POM121C: variants seen among roughly 807,000 people sequenced by gnomAD.
The protein encoded by POM121C is nuclear envelope pore membrane protein POM 121C.
POM121C carries 20 observed loss-of-function variants against 66.4 expected under a neutral mutation model. The observed-to-expected ratio is 0.30, with a 90% CI of 0.21 to 0.44. The LOEUF is 0.44. POM121C is among the 20% of genes least tolerant of loss of function. The pLI, the probability that POM121C is intolerant of heterozygous loss-of-function variation, is 1.00. For synonymous variants in POM121C, 286 were observed against 528.0 expected (o/e 0.54, Z 6.28); for missense variants, 580 against 1,225.7 (o/e 0.47, Z 7.87).
chr7:75,482,495 A>G (rs1442727011), intron 1 of POM121C, among the ~76,000 whole-genome samples: 11 of 152,172 alleles, frequency 7.2e-5, no homozygotes, highest in African/African-American at 2.7e-4. Context: ...GGAGTTCGAC[A>G]TGCATGACAC....
intron 10 of POM121C, 103 bp from the exon 11 acceptor site, chr7:75,424,731 G>T: frequency 6.7e-7 from 1 of 1,482,178 alleles, no homozygotes; most frequent in Non-Finnish European, 9.4e-7. Context: ...GGCCAAGCCA[G>T]CTGGATCACT....
chr7:75,431,341 C>T (rs587593730), intron 7 of POM121C, among the ~76,000 whole-genome samples: 4 of 151,356 alleles, frequency 2.6e-5, no homozygotes, highest in East Asian at 2.0e-4. Context: ...CAGTGGCTCA[C>T]GCCTGTAATC....
intron 12 of POM121C, among the ~76,000 whole-genome samples, chr7:75,423,777 C>G (rs1452884952): frequency 6.6e-6 from 1 of 151,638 alleles, no homozygotes. Flanking sequence ...GGTGCTGCAC[C>G]GGGAAGATCA....
chr7:75,438,110 G>A (rs1790483926), intron 6 of POM121C, among the ~76,000 whole-genome samples: 1 of 151,876 alleles, frequency 6.6e-6, no homozygotes, highest in Non-Finnish European at 1.5e-5. Flanking sequence ...CCTCAACAAA[G>A]CTGTTAAAAA....
intron 3 of POM121C, among the ~76,000 whole-genome samples, chr7:75,442,975 G>A (rs587664836): frequency 6.6e-6 from 1 of 152,260 alleles, no homozygotes; most frequent in Non-Finnish European, 1.5e-5. Context: ...AGGCGATCCC[G>A]TGAAAGGATC....
chr7:75,475,671 C>T lies in POM121C; in HGVS notation c.-457-483G>A, dbSNP rs1668908. ...GTTTCAGCTCCTTGTTCTTTTGGCT[C>T]TTTTATTCTCATAGCCAGTGGCCTC... On this transcript the variant is annotated intron_variant, in intron 1 of 14. Coordinates refer to ENST00000615331, the MANE Select transcript of POM121C (RefSeq NM_001099415.3). Among the ~76,000 whole-genome samples, 244 of 151,482 alleles carry T rather than the reference C, an allele frequency of 1.6e-3. 3 individuals are homozygous for T. In the South Asian group the frequency reaches 0.016, roughly 10 times the overall value.
Position 75,433,364 on chromosome 7 carries a change from A to G in POM121C, c.480+4151T>C, listed in dbSNP as rs587678666. 1.8e-3 allele frequency among the ~76,000 whole-genome samples: 265 copies of G among 148,952 alleles called. 4 individuals are homozygous for G. The South Asian group carries it at 0.028, about 16-fold the overall frequency. ...CATATTAAAATATATTTATTTATTT[A>G]TCTATTTTTGAGATGGAGTCTCGCT... On this transcript the variant is annotated intron_variant, in intron 7 of 14. Coordinates refer to ENST00000615331, the MANE Select transcript of POM121C (RefSeq NM_001099415.3).
At position 75,447,621 on chromosome 7, in the gene POM121C, C is replaced by A. The variant is rs80129691; in HGVS notation, c.-151-5974G>T. Among the ~76,000 whole-genome samples, 803 of 151,994 alleles carry A rather than the reference C, an allele frequency of 5.3e-3. 19 individuals carry two copies. The highest frequency in any genetic ancestry group is 0.043 in the East Asian group (221 of 5,174). On this transcript the variant is annotated intron_variant, in intron 3 of 14. Transcript: ENST00000615331. ...AAAGTTAAATAAACATATTTTCAGA[C>A]ACATAAAAGCTGGGAGACACTTTGA...
chr7:75,470,918 G>A (rs1554478572), intron 3 of POM121C, among the ~76,000 whole-genome samples: 2 of 152,012 alleles, frequency 1.3e-5, no homozygotes, highest in Admixed American at 1.3e-4. Flanking sequence ...ACAGGCATAA[G>A]CCACCATGCC....
At chr7:75,455,704 C>T (rs1402835727) in intron 3 of POM121C, among the ~76,000 whole-genome samples, 2 of 151,924 alleles carry the variant, frequency 1.3e-5, no homozygotes, top group African/African-American at 2.4e-5. Context: ...CCCGCTCGCC[C>T]GTGTCTATTT....
rs146743848 is a variant in POM121C at position 75,476,045 on chromosome 7, C to T, written c.-457-857G>A. Among the ~76,000 whole-genome samples, 1,171 of 152,142 alleles carry T rather than the reference C, an allele frequency of 7.7e-3. 9 individuals are homozygous for T. The highest frequency in any genetic ancestry group is 0.014 in the Non-Finnish European group (932 of 67,990). On this transcript the variant is annotated intron_variant, in intron 1 of 14. Coordinates refer to ENST00000615331, the MANE Select transcript of POM121C (RefSeq NM_001099415.3). ...CTATAATCCTAGCACTTTGGGAGGA[C>T]GAGATGGGAAGATCGTTTGAGCTCA...
rs1270056234 is a variant in POM121C, at chr7:75,417,317, C to A, written c.*1479G>T. On this transcript the variant is annotated 3_prime_UTR_variant, in exon 15 of 15. Coordinates refer to ENST00000615331, the MANE Select transcript of POM121C (RefSeq NM_001099415.3). ...CATTTGAGCCTCTTCTTTGCACAGG[C>A]ATAACTTAACTATACAGCTAATTCC... 10 of 875,600 alleles carry A rather than the reference C, an allele frequency of 1.1e-5. No homozygotes were observed. The East Asian group carries it at 8.4e-4, about 74-fold the overall frequency. The allele number at this position is 875,600 out of a possible 1,614,324, so 54.2% of individuals were successfully genotyped here. A position where few individuals can be genotyped will look rare whatever the true frequency, so the allele number is the denominator to read the frequency against.
chr7:75,419,444 T>G lies in POM121C; in HGVS notation c.2744-2A>C. 2 of 1,612,884 alleles carry G rather than the reference T, an allele frequency of 1.2e-6. No individual in the cohort carries two copies. The highest frequency in any genetic ancestry group is 1.7e-6 in the Non-Finnish European group (2 of 1,179,532). On this transcript the variant is annotated splice_acceptor_variant, in intron 13 of 14. Transcript: ENST00000615331. LOFTEE classifies it high-confidence loss of function. ...GACCAAAGGTGGGGGTGGCGGTGCC[T>G]GGAATGAAGAGAACAGAGAGCTAGC...
chr7:75,416,986 C>A lies in POM121C; in HGVS notation c.*1810G>T. Reference sequence around the variant, plus strand: ...CAGGGTTCCCGGACCGGCTGTCCTGCCTGCGGAACTGAGGTAAACAAGCTC... The same window carrying A: ...CAGGGTTCCCGGACCGGCTGTCCTGACTGCGGAACTGAGGTAAACAAGCTC... On this transcript the variant is annotated 3_prime_UTR_variant, in exon 15 of 15. Transcript: ENST00000615331. 7.5e-7 allele frequency: 1 copy of A among 1,329,802 alleles called. No homozygotes were observed. Among genetic ancestry groups the A allele is most frequent in the Non-Finnish European group, 9.6e-7 (1 of 1,037,176 alleles). 82.4% of individuals were successfully genotyped at this position (1,329,802 alleles called of 1,614,324 possible). A position where few individuals can be genotyped will look rare whatever the true frequency, so the allele number is the denominator to read the frequency against.
intron 3 of POM121C, among the ~76,000 whole-genome samples, chr7:75,456,113 C>T (rs1490968918): frequency 1.3e-5 from 2 of 152,182 alleles, no homozygotes; most frequent in South Asian, 2.1e-4. Context: ...GTGGCGTGAA[C>T]CTGTAGTCCC....
rs772859094 is a variant in POM121C, at chr7:75,421,876, G to A, written c.2376C>T (p.Pro792=). 75 of 1,612,118 alleles carry A rather than the reference G, an allele frequency of 4.7e-5. 1 individual carries two copies. The highest frequency in any genetic ancestry group is 3.2e-4 in the African/African-American group (24 of 75,026). The change falls in exon 13 of 15, where the codon CCC becomes CCT. Residue 792 remains proline (P), a synonymous_variant. Coordinates refer to ENST00000615331, the MANE Select transcript of POM121C (RefSeq NM_001099415.3). ...SAFGAPASSQ[P]AFGGSTAVFS... ...AGACAGCAGTGGAGCCGCCAAAGGC[G>A]GGCTGTGAGCTGGCGGGAGCGCCGA...
intron 1 of POM121C, among the ~76,000 whole-genome samples, chr7:75,480,842 G>T (rs1792279854): frequency 1.3e-5 from 2 of 151,768 alleles, no homozygotes; most frequent in African/African-American, 2.4e-5. Flanking sequence ...GAAATTATTG[G>T]GAAATTGGCA....
At chr7:75,460,490 C>T (rs1404704367) in intron 3 of POM121C, among the ~76,000 whole-genome samples, 8 of 151,716 alleles carry the variant, frequency 5.3e-5, no homozygotes, top group South Asian at 2.1e-4. Flanking sequence ...GAGTAAGACT[C>T]TGTCTCAATA....
chr7:75,470,839 G>A (rs1791844105), intron 3 of POM121C, among the ~76,000 whole-genome samples: 1 of 151,984 alleles, frequency 6.6e-6, no homozygotes, highest in South Asian at 2.1e-4. Flanking sequence ...TCCCTATGTT[G>A]CCCAGGCTGA....
Sources: allele counts gnomAD v4.1 joint callset (sites outside exome capture counted in the v4.1 genomes callset), GRCh38; gene constraint gnomAD v4.1.1; transcripts MANE v1.5; gene names NCBI Gene and HGNC (gene_info 2026-07-23, HGNC 2026-07-21).